The following MAP2K6 variants were observed in gnomAD, a reference collection of about 807,000 sequenced individuals.
MAP2K6 encodes mitogen-activated protein kinase kinase 6.
MAP2K6 carries 16 observed loss-of-function variants against 53.7 expected under a neutral mutation model. The observed-to-expected ratio is 0.30, with a 90% CI of 0.20 to 0.45. The LOEUF is 0.45. MAP2K6 is among the 20% of genes least tolerant of loss of function. MAP2K6 has a pLI of 1.00. For synonymous variants in MAP2K6, 132 were observed against 143.1 expected (o/e 0.92, Z 0.55); for missense variants, 204 against 411.9 (o/e 0.50, Z 4.37).
intron 1 of MAP2K6, among the ~76,000 whole-genome samples, chr17:69,497,338 T>A (rs2145209710): frequency 6.6e-6 from 1 of 152,324 alleles, no homozygotes; most frequent in Middle Eastern, 3.4e-3. Flanking sequence ...GAGAAAAACA[T>A]ACTTGAGCTG....
At position 69,480,228 on chromosome 17, in the gene MAP2K6, T is replaced by C. The variant is rs73363640; in HGVS notation, c.17-25552T>C. Among the ~76,000 whole-genome samples, 642 of 152,342 alleles carry C rather than the reference T, an allele frequency of 4.2e-3. 2 individuals carry two copies. Among genetic ancestry groups the C allele is most frequent in the African/African-American group, 0.015 (612 of 41,568 alleles). On this transcript the variant is annotated intron_variant, in intron 1 of 11. Transcript: ENST00000590474. ...TGCATCGGTACCCTGAGCTCCTTCATGTTCTTTAACTTTCGTTCCCCAGCA... is the reference window on the plus strand; with the variant it reads ...TGCATCGGTACCCTGAGCTCCTTCACGTTCTTTAACTTTCGTTCCCCAGCA...
chr17:69,508,936 T>C (rs1264342880), intron 2 of MAP2K6, among the ~76,000 whole-genome samples: 1 of 152,234 alleles, frequency 6.6e-6, no homozygotes, highest in Admixed American at 6.5e-5. Flanking sequence ...TTTGAAGTTA[T>C]TTCCGCATTG....
At chr17:69,458,868 T>A (rs1907516155) in intron 1 of MAP2K6, among the ~76,000 whole-genome samples, 1 of 152,218 alleles carries the variant, frequency 6.6e-6, no homozygotes, top group South Asian at 2.1e-4. Flanking sequence ...TTCCCACTTC[T>A]CCACCAAAAC....
intron 2 of MAP2K6, among the ~76,000 whole-genome samples, chr17:69,513,981 G>A (rs914617329): frequency 3.3e-5 from 5 of 152,022 alleles, no homozygotes. Flanking sequence ...CAGGTGTGGT[G>A]CCTGTAATCC....
chr17:69,493,654 G>C (rs971125846), intron 1 of MAP2K6, among the ~76,000 whole-genome samples: 1 of 152,092 alleles, frequency 6.6e-6, no homozygotes, highest in African/African-American at 2.4e-5. Context: ...CCAGCTACTT[G>C]GGAGGCTGAG....
chr17:69,438,984 G>T (rs1287887553), intron 1 of MAP2K6, among the ~76,000 whole-genome samples: 1 of 152,108 alleles, frequency 6.6e-6, no homozygotes, highest in Non-Finnish European at 1.5e-5. Flanking sequence ...AAGTTTTATT[G>T]GAACACAGCC....
intron 1 of MAP2K6, among the ~76,000 whole-genome samples, chr17:69,479,454 A>C (rs1908272457): frequency 6.6e-6 from 1 of 152,214 alleles, no homozygotes; most frequent in Non-Finnish European, 1.5e-5. Context: ...TGTGAAACAT[A>C]AATAAACTTT....
chr17:69,532,884 G>A (rs1157439328), intron 10 of MAP2K6, among the ~76,000 whole-genome samples: 4 of 152,010 alleles, frequency 2.6e-5, no homozygotes, highest in Non-Finnish European at 5.9e-5. Flanking sequence ...ATCAACTAGG[G>A]TACTTTCCCC....
rs1156887674 is a variant in MAP2K6, at chr17:69,552,189, G to C, written c.*10436G>C. 1 of 152,192 alleles carries C rather than the reference G, an allele frequency of 6.6e-6. No homozygotes were observed. Among genetic ancestry groups the C allele is most frequent in the Non-Finnish European group, 1.5e-5 (1 of 68,042 alleles). 9.4% of individuals were successfully genotyped at this position (152,192 alleles called of 1,614,324 possible). ...TGTTTATTGCAAAGAGAGCCTTTGG[G>C]CAAGTGGAAAATGCCCTGATGCTAG... On this transcript the variant is annotated 3_prime_UTR_variant, in exon 12 of 12. Coordinates refer to ENST00000590474, the MANE Select transcript of MAP2K6 (RefSeq NM_002758.4).
At chr17:69,489,534 T>C (rs141803914) in intron 1 of MAP2K6, among the ~76,000 whole-genome samples, 171 of 152,342 alleles carry the variant, frequency 1.1e-3, no homozygotes, top group African/African-American at 4.1e-3. Flanking sequence ...CCTGAAGCAA[T>C]AGTTGTTAAT....
chr17:69,498,329 CAT>C (rs1205158821), intron 1 of MAP2K6, among the ~76,000 whole-genome samples: 4 of 152,188 alleles, frequency 2.6e-5, no homozygotes, highest in East Asian at 3.9e-4. Flanking sequence ...TTTACATAGA[CAT>C]GTGGTAGACA....
chr17:69,428,005 G>A (rs1906327794), intron 1 of MAP2K6, among the ~76,000 whole-genome samples: 1 of 152,188 alleles, frequency 6.6e-6, no homozygotes, highest in Admixed American at 6.5e-5. Context: ...AGACATGGCA[G>A]GTAGAGGACT....
chr17:69,513,706 G>A (rs1417880920), intron 2 of MAP2K6, among the ~76,000 whole-genome samples: 1 of 152,062 alleles, frequency 6.6e-6, no homozygotes, highest in African/African-American at 2.4e-5. Context: ...CTGAGCCCTG[G>A]TATATATATA....
chr17:69,423,215 G>A (rs866268800), intron 1 of MAP2K6, among the ~76,000 whole-genome samples: 4 of 152,214 alleles, frequency 2.6e-5, no homozygotes, highest in South Asian at 2.1e-4. Context: ...TAGCCCGTGA[G>A]CGAAGATGGT....
intron 1 of MAP2K6, among the ~76,000 whole-genome samples, chr17:69,438,947 G>T (rs1906733637): frequency 6.6e-6 from 1 of 152,144 alleles, no homozygotes; most frequent in Admixed American, 6.5e-5. Context: ...AAATTACATG[G>T]AGTTTAAGTT....
At chr17:69,511,792 C>T (rs150864227) in intron 2 of MAP2K6, among the ~76,000 whole-genome samples, 3 of 152,146 alleles carry the variant, frequency 2.0e-5, no homozygotes, top group Non-Finnish European at 2.9e-5. Context: ...TACCTAACTG[C>T]GCTAAGCCTT....
At chr17:69,502,268 G>A (rs1325532145) in intron 1 of MAP2K6, 3 of 985,278 alleles carry the variant, frequency 3.0e-6, no homozygotes, top group Middle Eastern at 5.2e-4. Flanking sequence ...GTTCAGTTCT[G>A]TTTCTCCTTG....
chr17:69,459,008 C>T (rs1406590855), intron 1 of MAP2K6, among the ~76,000 whole-genome samples: 1 of 152,172 alleles, frequency 6.6e-6, no homozygotes. Flanking sequence ...ACCTCCTTTG[C>T]TGGTGTGCAA....
intron 11 of MAP2K6, among the ~76,000 whole-genome samples, chr17:69,537,936 G>A (rs896831998): frequency 1.3e-5 from 2 of 152,100 alleles, no homozygotes; most frequent in Admixed American, 1.3e-4. Flanking sequence ...CACCCGCTAG[G>A]CCATTTTAAA....
Sources: allele counts gnomAD v4.1 joint callset (sites outside exome capture counted in the v4.1 genomes callset), GRCh38; gene constraint gnomAD v4.1.1; transcripts MANE v1.5; gene names NCBI Gene and HGNC (gene_info 2026-07-23, HGNC 2026-07-21).